Variants in TAPT1 observed in about 807,000 individuals in gnomAD.
TAPT1 encodes the protein transmembrane anterior posterior transformation 1, also known as transmembrane anterior posterior transformation protein 1 homolog.
TAPT1 carries 28 observed loss-of-function variants against 65.6 expected under a neutral mutation model. The observed-to-expected ratio is 0.43, with a 90% CI of 0.32 to 0.59. The LOEUF is 0.59. TAPT1 is among the 20% of genes least tolerant of loss of function. The pLI, the probability that TAPT1 is intolerant of heterozygous loss-of-function variation, is 0.09. For synonymous variants in TAPT1, 278 were observed against 245.2 expected, an observed-to-expected ratio of 1.13 and a Z score of -1.25; for missense variants, 563 against 679.9, an observed-to-expected ratio of 0.83 and a Z score of 1.91.
Position 16,163,554 on chromosome 4 carries a change from C to T in TAPT1, c.1475-17G>A. ...TGGAAAGGCCTGTGATAAAATAGAT[C>T]CATTAAATTAGAGAAAGACTTTTCT... On this transcript the variant is annotated splice_polypyrimidine_tract_variant and intron_variant, in intron 13 of 13. Transcript: ENST00000405303. 3 of 1,569,758 alleles carry T rather than the reference C, an allele frequency of 1.9e-6. No homozygotes were observed. The highest frequency in any genetic ancestry group is 2.6e-6 in the Non-Finnish European group (3 of 1,144,484).
intron 1 of TAPT1, among the ~76,000 whole-genome samples, chr4:16,215,097 C>T (rs1041391299): frequency 6.6e-6 from 1 of 152,030 alleles, no homozygotes; most frequent in Non-Finnish European, 1.5e-5. Context: ...CAAGACCAGC[C>T]TGGCCAACAT....
intron 3 of TAPT1, among the ~76,000 whole-genome samples, chr4:16,201,646 A>G (rs1274132314): frequency 1.3e-5 from 2 of 152,238 alleles, no homozygotes; most frequent in Non-Finnish European, 2.9e-5. Context: ...TAAAGCATTA[A>G]GCTTCATGTA....
chr4:16,198,787 C>T (rs575189811), intron 3 of TAPT1, among the ~76,000 whole-genome samples: 4 of 152,132 alleles, frequency 2.6e-5, no homozygotes, highest in Non-Finnish European at 4.4e-5. Flanking sequence ...CTGGCTATTT[C>T]TAAATAATCA....
At chr4:16,173,465 C>T (rs1466682540) in intron 11 of TAPT1, among the ~76,000 whole-genome samples, 2 of 152,070 alleles carry the variant, frequency 1.3e-5, no homozygotes, top group Admixed American at 1.3e-4. Flanking sequence ...TTCGCCCAGG[C>T]TGGAGTGCAG....
chr4:16,222,187 C>T (rs1189619211), intron 1 of TAPT1, among the ~76,000 whole-genome samples: 2 of 152,142 alleles, frequency 1.3e-5, no homozygotes, highest in Non-Finnish European at 2.9e-5. Flanking sequence ...AATTGGAGCA[C>T]AAATGAGCTG....
chr4:16,180,462 A>G (rs902067408), intron 7 of TAPT1, among the ~76,000 whole-genome samples: 3 of 152,154 alleles, frequency 2.0e-5, no homozygotes, highest in Non-Finnish European at 4.4e-5. Context: ...AATCACTCAT[A>G]TAACAACCCA....
intron 2 of TAPT1, among the ~76,000 whole-genome samples, chr4:16,212,781 T>C (rs920948345): frequency 6.6e-6 from 1 of 152,212 alleles, no homozygotes; most frequent in African/African-American, 2.4e-5. Context: ...AATACAGAAC[T>C]CCCTAAAACT....
Position 16,162,940 on chromosome 4 carries a change from G to C in TAPT1, c.*368C>G, listed in dbSNP as rs989710702. 2 of 449,124 alleles carry C rather than the reference G, an allele frequency of 4.5e-6. No homozygotes were observed. Among genetic ancestry groups the C allele is most frequent in the Admixed American group, 4.7e-5 (2 of 42,306 alleles). 27.8% of individuals were successfully genotyped at this position (449,124 alleles called of 1,614,324 possible). A position where few individuals can be genotyped will look rare whatever the true frequency, so the allele number is the denominator to read the frequency against. On this transcript the variant is annotated 3_prime_UTR_variant, in exon 14 of 14. Coordinates refer to ENST00000405303, the MANE Select transcript of TAPT1 (RefSeq NM_153365.3). Reference sequence around the variant, plus strand: ...TGGTAAAAGTTTCACAGTTTTCCAGGTATTTCCTTATACTGAAGAGGCCTT... The same window carrying C: ...TGGTAAAAGTTTCACAGTTTTCCAGCTATTTCCTTATACTGAAGAGGCCTT...
At chr4:16,165,454 C>T (rs1305326189) in intron 13 of TAPT1, among the ~76,000 whole-genome samples, 3 of 151,452 alleles carry the variant, frequency 2.0e-5, no homozygotes, top group African/African-American at 4.9e-5. Context: ...CCTGTAGTCC[C>T]AGCTACTCGA....
rs1041712137 is a variant in TAPT1, at chr4:16,186,885, G to C, written c.749-7C>G. The C allele has an allele frequency of 3.8e-6, 6 of 1,573,282 alleles. No individual in the cohort carries two copies. The African/African-American group carries it at 6.8e-5, about 18-fold the overall frequency. On this transcript the variant is annotated splice_polypyrimidine_tract_variant and splice_region_variant and intron_variant, in intron 5 of 13. Transcript: ENST00000405303. The stretch of plus-strand genomic sequence containing the variant: ...ATAAGAATTGCATGCAAAACTAATA[G>C]AAGGTCAAGGAAAAAACTTAAATTT...
chr4:16,191,244 C>CTT (rs1749353628), intron 4 of TAPT1, 117 bp downstream of exon 4: 1 of 1,084,584 alleles, frequency 9.2e-7, no homozygotes, highest in Admixed American at 2.8e-5. Context: ...ACAGTAAAGG[C>CTT]CAGAAGCACC....
At chr4:16,167,239 C>A (rs6834015) in intron 12 of TAPT1, among the ~76,000 whole-genome samples, 9,097 of 152,180 alleles carry the variant, frequency 0.06, 543 homozygotes, top group African/African-American at 0.15. Context: ...GATCCACCTG[C>A]CTCGGCCTCC....
chr4:16,182,418 T>A (rs893970074), intron 7 of TAPT1, among the ~76,000 whole-genome samples: 22 of 152,246 alleles, frequency 1.4e-4, no homozygotes, highest in Non-Finnish European at 3.1e-4. Context: ...TAACCTTTAT[T>A]AAGAAGCTTA....
intron 9 of TAPT1, 84 bp from the exon 10 acceptor site, chr4:16,174,813 T>G: frequency 4.1e-6 from 4 of 986,358 alleles, no homozygotes; most frequent in Non-Finnish European, 5.8e-6. Context: ...AATAAAAACA[T>G]TTAATAATTA....
At position 16,162,313 on chromosome 4, in the gene TAPT1, C is replaced by CAA. The variant is rs1442556471; in HGVS notation, c.*993_*994dup. 1 of 153,016 alleles carries CAA rather than the reference C, an allele frequency of 6.5e-6. No homozygotes were observed. Among genetic ancestry groups the CAA allele is most frequent in the African/African-American group, 2.4e-5 (1 of 41,434 alleles). 9.5% of individuals were successfully genotyped at this position (153,016 alleles called of 1,614,324 possible). A position where few individuals can be genotyped will look rare whatever the true frequency, so the allele number is the denominator to read the frequency against. On this transcript the variant is annotated 3_prime_UTR_variant, in exon 14 of 14. Transcript: ENST00000405303. ...AGCACAGGCACACTCGCTGTCGACCCAAACACAAAGACTAATGCATTTGGT... is the reference window on the plus strand; with the variant it reads ...AGCACAGGCACACTCGCTGTCGACCCAAAAACACAAAGACTAATGCATTTGGT...
upstream of TAPT1, chr4:16,226,539 C>G: frequency 5.5e-6 from 5 of 914,894 alleles, no homozygotes; most frequent in Non-Finnish European, 6.6e-6. Flanking sequence ...CGCCCCGCCC[C>G]TCGCCGGAGC....
chr4:16,160,978 C>T lies in TAPT1; in HGVS notation c.*2330G>A, dbSNP rs1221692618. 6.6e-6 allele frequency: 1 copy of T among 152,636 alleles called. No homozygotes were observed. The highest frequency in any genetic ancestry group is 2.4e-5 in the African/African-American group (1 of 41,442). 9.5% of individuals were successfully genotyped at this position (152,636 alleles called of 1,614,324 possible). A position where few individuals can be genotyped will look rare whatever the true frequency, so the allele number is the denominator to read the frequency against. ...AAGGGTCTGGCCTATCCTGTGCCTTCATTAGATTTTTTTAAAACCAAAGCA... is the reference window on the plus strand; with the variant it reads ...AAGGGTCTGGCCTATCCTGTGCCTTTATTAGATTTTTTTAAAACCAAAGCA... On this transcript the variant is annotated 3_prime_UTR_variant, in exon 14 of 14. Transcript: ENST00000405303.
At chr4:16,220,175 T>C (rs1415215832) in intron 1 of TAPT1, among the ~76,000 whole-genome samples, 4 of 152,234 alleles carry the variant, frequency 2.6e-5, no homozygotes, top group African/African-American at 7.2e-5. Flanking sequence ...TTATCTGTCC[T>C]ATAATTTTGG....
chr4:16,167,578 T>C (rs569578839), intron 12 of TAPT1, among the ~76,000 whole-genome samples: 8 of 152,304 alleles, frequency 5.3e-5, no homozygotes, highest in African/African-American at 1.7e-4. Context: ...AGGCAGAGCA[T>C]GGACTCTGGG....
Sources: gnomAD v4.1 joint callset for allele counts (sites outside exome capture counted in the v4.1 genomes callset) on GRCh38, gnomAD v4.1.1 for gene constraint, MANE v1.5 for transcripts, NCBI Gene and HGNC (gene_info 2026-07-23, HGNC 2026-07-21) for gene names.